Variants in TEX14 observed in about 807,000 individuals in gnomAD.
TEX14 encodes the protein inactive serine/threonine-protein kinase TEX14.
In TEX14, 168 loss-of-function variants were observed where a neutral mutation model predicts 178.6. The ratio of observed to expected loss-of-function variants is 0.94; its 90% CI spans 0.83 to 1.07. The LOEUF is 1.07. TEX14 is among the 50% of genes least tolerant of loss of function. TEX14 has a pLI of 0.00. For missense variants in TEX14, 1,730 were observed against 1,753.6 expected (o/e 0.99, Z 0.24); for synonymous variants, 626 against 634.1 (o/e 0.99, Z 0.19).
intron 3 of TEX14, among the ~76,000 whole-genome samples, chr17:58,626,569 C>CAAAAAA (rs11327030): frequency 5.9e-5 from 2 of 33,664 alleles, no homozygotes; most frequent in Admixed American, 4.6e-4. Flanking sequence ...GACTCCATCT[C>CAAAAAA]AAAAAAAAAA....
chr17:58,574,783 T>A (rs887508598), intron 21 of TEX14, among the ~76,000 whole-genome samples: 1 of 149,496 alleles, frequency 6.7e-6, no homozygotes, highest in Non-Finnish European at 1.5e-5. Context: ...CAGAGTTGAA[T>A]AAATACTCTC....
At chr17:58,673,709 G>A (rs1367522826) in intron 1 of TEX14, among the ~76,000 whole-genome samples, 1 of 151,766 alleles carries the variant, frequency 6.6e-6, no homozygotes, top group Admixed American at 6.6e-5. Flanking sequence ...CCACAGGCAT[G>A]CACCACCATG....
At chr17:58,660,448 T>C in intron 1 of TEX14, 3 of 536,422 alleles carry the variant, frequency 5.6e-6, no homozygotes, top group Non-Finnish European at 1.0e-5. Flanking sequence ...TTTATTGAAC[T>C]CAAAGCAACA....
chr17:58,662,742 A>T (rs1189590089), intron 1 of TEX14, among the ~76,000 whole-genome samples: 1 of 152,202 alleles, frequency 6.6e-6, no homozygotes, highest in Non-Finnish European at 1.5e-5. Context: ...ATGCTCAGAA[A>T]TATGAGAGTG....
At position 58,631,705 on chromosome 17, in the gene TEX14, C is replaced by T. The variant is rs185850234; in HGVS notation, c.137-1151G>A. The T allele has an allele frequency of 2.0e-5, 3 of 151,428 alleles. No individual in the cohort carries two copies. The East Asian group carries it at 5.8e-4, about 29-fold the overall frequency. 9.4% of individuals were successfully genotyped at this position (151,428 alleles called of 1,614,324 possible). On this transcript the variant is annotated intron_variant, in intron 2 of 31. Coordinates refer to ENST00000349033, the MANE Select transcript of TEX14 (RefSeq NM_031272.5). ...ACAGCAAACAGCAGTTAGAATAACG[C>T]AACACCAAACACTGCTATCCCACTC...
intron 26 of TEX14, among the ~76,000 whole-genome samples, chr17:58,568,569 C>G (rs1197246484): frequency 6.6e-6 from 1 of 152,162 alleles, no homozygotes; most frequent in Non-Finnish European, 1.5e-5. Context: ...TCAAGTCTTT[C>G]CTAGGAAAAC....
At chr17:58,559,910 T>G (rs1420816742) in intron 29 of TEX14, among the ~76,000 whole-genome samples, 1 of 152,074 alleles carries the variant, frequency 6.6e-6, no homozygotes, top group Non-Finnish European at 1.5e-5. Context: ...GCTATACTGC[T>G]CCAAAGGAAA....
intron 1 of TEX14, chr17:58,660,925 A>C: frequency 6.6e-6 from 6 of 909,622 alleles, no homozygotes; most frequent in African/African-American, 1.6e-5. Context: ...CCTCTCTTGA[A>C]GAGTCTTTCT....
chr17:58,664,154 T>A (rs1327251732), intron 1 of TEX14, among the ~76,000 whole-genome samples: 2 of 152,256 alleles, frequency 1.3e-5, no homozygotes, highest in African/African-American at 4.8e-5. Flanking sequence ...CCAGCCCACC[T>A]CGGTTATACT....
intron 11 of TEX14, among the ~76,000 whole-genome samples, chr17:58,603,905 G>C (rs1242164526): frequency 1.6e-4 from 21 of 128,078 alleles, no homozygotes; most frequent in African/African-American, 6.2e-4. Context: ...GTGTGTGTGT[G>C]TGTGTGTGTG....
chr17:58,677,453 T>A (rs1248431865), intron 1 of TEX14: 1 of 152,118 alleles, frequency 6.6e-6, no homozygotes, highest in Non-Finnish European at 1.5e-5. Context: ...AACTAAATAG[T>A]AGTACAGCTT....
intron 19 of TEX14, among the ~76,000 whole-genome samples, chr17:58,582,957 G>A (rs2044859723): frequency 6.6e-6 from 1 of 151,008 alleles, no homozygotes; most frequent in African/African-American, 2.4e-5. Context: ...CCAAACAAAT[G>A]GCTCACTTCA....
At chr17:58,673,449 C>T (rs1184903895) in intron 1 of TEX14, among the ~76,000 whole-genome samples, 1 of 151,044 alleles carries the variant, frequency 6.6e-6, no homozygotes, top group South Asian at 2.1e-4. Flanking sequence ...CGCCACTGCA[C>T]TCCAGCCTAC....
At chr17:58,678,246 G>A (rs943516833) in intron 1 of TEX14, among the ~76,000 whole-genome samples, 5 of 152,194 alleles carry the variant, frequency 3.3e-5, no homozygotes, top group Admixed American at 6.5e-5. Context: ...CTTAAGGGAA[G>A]GACACTGGAA....
At position 58,615,234 on chromosome 17, in the gene TEX14, G is replaced by T; in HGVS notation, c.879C>A (p.Ser293Arg). 1 of 1,604,494 alleles carries T rather than the reference G, an allele frequency of 6.2e-7. No individual in the cohort carries two copies. Among genetic ancestry groups the T allele is most frequent in the South Asian group, 1.1e-5 (1 of 90,852 alleles). Residue 293 changes from serine to arginine, a missense_variant and splice_region_variant, in exon 8 of 32, where the codon AGC becomes AGA. By Grantham distance (110) the Ser-to-Arg change is moderately radical. This residue lies in a region of TEX14 where 789 missense variants were observed against 681.2 expected (regional missense o/e 1.16). Coordinates refer to ENST00000349033, the MANE Select transcript of TEX14 (RefSeq NM_031272.5). ...GGGGCCTTGGGCTTCCTTCTCACCT[G>T]CTGTGTTCCTGCTCGGCAATTAACA... Reference protein sequence around the residue: ...ADLLIAEQEHSSKLRHPYLLQ... With the variant: ...ADLLIAEQEHRSKLRHPYLLQ...
intron 3 of TEX14, among the ~76,000 whole-genome samples, chr17:58,625,099 T>C (rs1171736400): frequency 1.3e-5 from 2 of 151,966 alleles, no homozygotes; most frequent in Admixed American, 1.3e-4. Context: ...CTTTGTATAA[T>C]GTCTTACCAT....
At chr17:58,686,257 T>C (rs1157488748) in intron 1 of TEX14, among the ~76,000 whole-genome samples, 2 of 152,060 alleles carry the variant, frequency 1.3e-5, no homozygotes, top group Non-Finnish European at 2.9e-5. Flanking sequence ...AGGATCTCTT[T>C]CTTGAGCCCA....
At chr17:58,613,717 G>A (rs2045803991) in intron 8 of TEX14, among the ~76,000 whole-genome samples, 173 bp from the exon 9 acceptor site, 1 of 152,086 alleles carries the variant, frequency 6.6e-6, no homozygotes, top group Admixed American at 6.5e-5. Flanking sequence ...CTGGAGTGCA[G>A]TGGGGTGATC....
At chr17:58,607,482 C>T (rs549238203) in intron 10 of TEX14, among the ~76,000 whole-genome samples, 1 of 120,218 alleles carries the variant, frequency 8.3e-6, no homozygotes, top group East Asian at 2.4e-4. Context: ...CCCCTGTATC[C>T]TGGAGACATC....
Sources: gnomAD v4.1 joint callset for allele counts (sites outside exome capture counted in the v4.1 genomes callset) on GRCh38, gnomAD v4.1.1 for gene constraint, gnomAD v4.1.1 regional missense constraint, MANE v1.5 for transcripts, NCBI Gene and HGNC (gene_info 2026-07-23, HGNC 2026-07-21) for gene names.